ZBTB40: variants seen among roughly 807,000 people sequenced by gnomAD.
The protein encoded by ZBTB40 is zinc finger and BTB domain containing 40, also known as zinc finger and BTB domain-containing protein 40.
A neutral mutation model predicts 117.5 loss-of-function variants in ZBTB40; 60 were observed. That is an observed-to-expected ratio of 0.51 (90% CI 0.41 to 0.63). The LOEUF is 0.63. Ranked by LOEUF, ZBTB40 falls within the 30% of genes least tolerant of loss-of-function variation. The pLI is 0.00. For missense variants in ZBTB40, 1,287 were observed against 1,498.5 expected (o/e 0.86, Z 2.33); for synonymous variants, 525 against 577.1 (o/e 0.91, Z 1.29).
rs527834164 is a variant in ZBTB40 at position 22,507,499 on chromosome 1, G to A, written c.1361-502G>A. Reference sequence around the variant, plus strand: ...AATTATCTGCAAAGCTAAGAGAAATGCCTGATAGTTTCAATTTTTCTTAAC... The same window carrying A: ...AATTATCTGCAAAGCTAAGAGAAATACCTGATAGTTTCAATTTTTCTTAAC... On this transcript the variant is annotated intron_variant, in intron 6 of 17. Transcript: ENST00000375647. 7.5e-4 allele frequency among the ~76,000 whole-genome samples: 114 copies of A among 152,328 alleles called. 1 individual carries two copies. The highest frequency in any genetic ancestry group is 2.6e-3 in the African/African-American group (110 of 41,574).
intron 1 of ZBTB40, among the ~76,000 whole-genome samples, chr1:22,480,848 T>A (rs2124417677): frequency 6.6e-6 from 1 of 152,348 alleles, no homozygotes; most frequent in Middle Eastern, 3.4e-3. Flanking sequence ...AAGCAACTTT[T>A]ATTGCTGTTT....
In ZBTB40 at chr1:22,513,748, C is replaced by T. The variant is rs1639303800; in HGVS notation, c.2668+618C>T. Among the ~76,000 whole-genome samples the T allele has an allele frequency of 6.6e-6, 1 of 152,134 alleles. No homozygotes were observed. Among genetic ancestry groups the T allele is most frequent in the African/African-American group, 2.4e-5 (1 of 41,446 alleles). On this transcript the variant is annotated intron_variant, in intron 12 of 17. Transcript: ENST00000375647. This position sits in a 1 kb window ranked among gnomAD's most constrained non-coding sequence, Gnocchi z 4.9. ...AAAATTAAAAAACAATGCACAACCT[C>T]TAGGCAAACAGACGACTGGGAATAG...
chr1:22,462,523 C>T (rs552491026), intron 1 of ZBTB40, among the ~76,000 whole-genome samples: 6 of 152,296 alleles, frequency 3.9e-5, no homozygotes, highest in Middle Eastern at 6.8e-3. Flanking sequence ...AAAATGTTGT[C>T]GTCTTTACGT....
Position 22,513,029 on chromosome 1 carries a change from G to A in ZBTB40, c.2567G>A (p.Arg856His), listed in dbSNP as rs1359235529. 7 of 1,614,102 alleles carry A rather than the reference G, an allele frequency of 4.3e-6. No individual in the cohort carries two copies. Among genetic ancestry groups the A allele is most frequent in the African/African-American group, 1.3e-5 (1 of 74,998 alleles). ...AANSTLKNHL[R>H]LHTGDRPFMC... ...AATTCCACCCTGAAGAACCACCTTC[G>A]CCTTCACACCGGGGACCGCCCGTTC... is the stretch of plus-strand genomic sequence containing the variant. The change falls in exon 12 of 18, where the codon CGC (arginine) becomes CAC (histidine). Residue 856 changes from arginine (R) to histidine (H), a missense_variant. Transcript: ENST00000375647. This position sits in a 1 kb window ranked among gnomAD's most constrained non-coding sequence, Gnocchi z 4.9.
chr1:22,445,994 A>G (rs1314197791), intron 1 of ZBTB40, among the ~76,000 whole-genome samples: 1 of 152,220 alleles, frequency 6.6e-6, no homozygotes, highest in African/African-American at 2.4e-5. Context: ...GCAACTGTGA[A>G]TTAACATGCT....
At chr1:22,474,598 T>C (rs1641510498) in intron 1 of ZBTB40, among the ~76,000 whole-genome samples, 1 of 152,220 alleles carries the variant, frequency 6.6e-6, no homozygotes, top group African/African-American at 2.4e-5. Context: ...TGTTTCTGAA[T>C]GTGTGATCTT....
intron 1 of ZBTB40, among the ~76,000 whole-genome samples, chr1:22,484,935 C>T (rs926559571): frequency 3.3e-5 from 5 of 152,128 alleles, no homozygotes; most frequent in East Asian, 1.9e-4. Flanking sequence ...CCTGTTGATG[C>T]GATGGATCAC....
Position 22,526,809 on chromosome 1 carries a change from A to G in ZBTB40, c.*413A>G, listed in dbSNP as rs551555012. ...CAGTTAGATATGGGACTTGGCCCAC[A>G]GTGGGGGCTGCAAATGCTGCCACTG... On this transcript the variant is annotated 3_prime_UTR_variant, in exon 18 of 18. Transcript: ENST00000375647. 7.9e-5 allele frequency: 23 copies of G among 290,532 alleles called. No individual in the cohort carries two copies. The highest frequency in any genetic ancestry group is 4.8e-4 in the African/African-American group (22 of 45,914). 18.0% of individuals were successfully genotyped at this position (290,532 alleles called of 1,614,324 possible). A position where few individuals can be genotyped will look rare whatever the true frequency, so the allele number is the denominator to read the frequency against.
chr1:22,489,102 G>A (rs1419138503), intron 1 of ZBTB40, among the ~76,000 whole-genome samples: 2 of 152,178 alleles, frequency 1.3e-5, no homozygotes, highest in Non-Finnish European at 2.9e-5. Context: ...TTACGTTTCA[G>A]AAACCAGGTT....
intron 2 of ZBTB40, 88 bp from the exon 3 acceptor site, chr1:22,491,312 G>GA: frequency 7.3e-7 from 1 of 1,374,598 alleles, no homozygotes; most frequent in Admixed American, 1.7e-5. Flanking sequence ...TGCAGTATAT[G>GA]ACCTGAAGGT....
At chr1:22,495,319 C>T (rs2124436744) in intron 3 of ZBTB40, among the ~76,000 whole-genome samples, 1 of 152,292 alleles carries the variant, frequency 6.6e-6, no homozygotes, top group South Asian at 2.1e-4. Flanking sequence ...AAAGAGAAAT[C>T]TCTTGGGTGC....
At position 22,520,215 on chromosome 1, in the gene ZBTB40, C is replaced by T; in HGVS notation, c.2988C>T (p.His996=). ...GTGCCCCGTCCATGCTGGAGCGGCA[C>T]GTGGTGACCCACGTTGGAGGGAAGC... ...IFSAPSMLER[H]VVTHVGGKPF... Residue 996 remains histidine, a synonymous_variant, in exon 14 of 18, where the codon CAC becomes CAT. Transcript: ENST00000375647. The T allele has an allele frequency of 6.2e-7, 1 of 1,614,066 alleles. No homozygotes were observed. Among genetic ancestry groups the T allele is most frequent in the Middle Eastern group, 1.6e-4 (1 of 6,062 alleles).
chr1:22,439,333 T>G (rs1374420545), intron 1 of ZBTB40, among the ~76,000 whole-genome samples: 2 of 152,206 alleles, frequency 1.3e-5, no homozygotes, highest in Non-Finnish European at 2.9e-5. Flanking sequence ...TGCACAAAAT[T>G]TTTAATATTT....
chr1:22,522,945 C>CTTTTTTTTT lies in ZBTB40; in HGVS notation c.3298+494_3298+502dup, dbSNP rs34232963. On this transcript the variant is annotated intron_variant, in intron 16 of 17. Transcript: ENST00000375647. The stretch of plus-strand genomic sequence containing the variant: ...CCATGCTCGACTAAATAAGATGTAC[C>CTTTTTTTTT]TTTTTTTTTTTTTTTTTTTTGAGAT... 5.5e-3 allele frequency among the ~76,000 whole-genome samples: 513 copies of CTTTTTTTTT among 93,890 alleles called. 30 individuals carry two copies. Among genetic ancestry groups the CTTTTTTTTT allele is most frequent in the Non-Finnish European group, 7.9e-3 (379 of 48,170 alleles). 61.6% of individuals were successfully genotyped at this position (93,890 alleles called of 152,430 possible).
intron 1 of ZBTB40, among the ~76,000 whole-genome samples, chr1:22,442,598 A>T (rs1453499507): frequency 2.6e-5 from 4 of 152,158 alleles, no homozygotes; most frequent in African/African-American, 7.2e-5. Flanking sequence ...AGGTTTATCC[A>T]TGTTTCTTGT....
chr1:22,502,628 A>T (rs1638969289), intron 5 of ZBTB40, among the ~76,000 whole-genome samples, 187 bp downstream of exon 5: 1 of 152,174 alleles, frequency 6.6e-6, no homozygotes, highest in Admixed American at 6.5e-5. Flanking sequence ...AGGGCCTTGC[A>T]CATGGAGCCA....
intron 1 of ZBTB40, among the ~76,000 whole-genome samples, chr1:22,455,135 G>A (rs1640975161): frequency 6.6e-6 from 1 of 152,150 alleles, no homozygotes; most frequent in Admixed American, 6.5e-5. Flanking sequence ...AGTGTTTTAA[G>A]TTGGAAACTA....
intron 1 of ZBTB40, among the ~76,000 whole-genome samples, chr1:22,481,791 A>AG (rs1311593062): frequency 6.9e-6 from 1 of 145,492 alleles, no homozygotes; most frequent in East Asian, 2.0e-4. Context: ...TTTTACCAAA[A>AG]AAAAAAAAAA....
At chr1:22,469,355 A>T (rs1206280929) in intron 1 of ZBTB40, among the ~76,000 whole-genome samples, 7 of 151,568 alleles carry the variant, frequency 4.6e-5, no homozygotes, top group African/African-American at 1.7e-4. Context: ...GTTGCCCAGG[A>T]TAGAGTGTGG....
Sources: allele counts gnomAD v4.1 joint callset (sites outside exome capture counted in the v4.1 genomes callset), GRCh38; gene constraint gnomAD v4.1.1; non-coding constraint Gnocchi (gnomAD v3.1); transcripts MANE v1.5; gene names NCBI Gene and HGNC (gene_info 2026-07-23, HGNC 2026-07-21).